The following THSD4 variants were observed in gnomAD, a reference collection of about 807,000 sequenced individuals.
THSD4 encodes thrombospondin type-1 domain-containing protein 4.
THSD4 carries 69 observed loss-of-function variants against 119.0 expected under a neutral mutation model. That is an observed-to-expected ratio of 0.58 (90% CI 0.48 to 0.71). The LOEUF (loss-of-function observed/expected upper bound fraction) is 0.71, where lower values mean the gene tolerates loss of function less well. Among genes scored for constraint, THSD4 ranks in the 30% least tolerant of loss-of-function variants. THSD4 has a pLI of 0.00. For missense variants in THSD4, 1,393 were observed against 1,391.1 expected (o/e 1.00, Z -0.02); for synonymous variants, 524 against 540.4 (o/e 0.97, Z 0.42).
chr15:71,113,377 G>A (rs1356778883), upstream of THSD4, among the ~76,000 whole-genome samples: 6 of 152,128 alleles, frequency 3.9e-5, no homozygotes, highest in South Asian at 4.1e-4. Context: ...TGGTTATGTC[G>A]GATGTTAACA....
intron 6 of THSD4, among the ~76,000 whole-genome samples, chr15:71,381,565 T>G (rs759511895): frequency 6.6e-6 from 1 of 152,212 alleles, no homozygotes; most frequent in African/African-American, 2.4e-5. Context: ...CAGAGTCCTT[T>G]CCATCCTTTC....
intron 4 of THSD4, among the ~76,000 whole-genome samples, chr15:71,230,240 G>A (rs537519705): frequency 6.0e-4 from 92 of 152,210 alleles, no homozygotes; most frequent in African/African-American, 2.1e-3. Flanking sequence ...GTCCTGGAGG[G>A]CCACACAGGT....
At chr15:71,143,700 C>CTTTTTT (rs546375502) in intron 2 of THSD4, among the ~76,000 whole-genome samples, 1 of 100,744 alleles carries the variant, frequency 9.9e-6, no homozygotes, top group Non-Finnish European at 2.1e-5. Context: ...TTTTTTCTTT[C>CTTTTTT]TTTTTTTTTT....
At chr15:71,322,092 A>G (rs1162008755) in intron 6 of THSD4, among the ~76,000 whole-genome samples, 1 of 152,146 alleles carries the variant, frequency 6.6e-6, no homozygotes, top group Non-Finnish European at 1.5e-5. Flanking sequence ...TGCACCTAAT[A>G]ATGGTTTTTT....
intron 6 of THSD4, among the ~76,000 whole-genome samples, chr15:71,409,161 C>CT (rs954005024): frequency 6.6e-6 from 1 of 150,658 alleles, no homozygotes; most frequent in Admixed American, 6.6e-5. Context: ...TTTTTCCCCC[C>CT]CCCTCAGAAT....
chr15:71,490,134 A>T (rs552556816), intron 7 of THSD4, among the ~76,000 whole-genome samples: 1 of 152,310 alleles, frequency 6.6e-6, no homozygotes, highest in East Asian at 1.9e-4. Flanking sequence ...TTCTACTTTT[A>T]AAAATTATAG....
At chr15:71,261,136 G>T (rs2140294167) in intron 6 of THSD4, among the ~76,000 whole-genome samples, 1 of 152,256 alleles carries the variant, frequency 6.6e-6, no homozygotes, top group African/African-American at 2.4e-5. Flanking sequence ...ATCTAATTAA[G>T]ATATAAGTTT....
At chr15:71,508,093 G>C (rs1322117400) in intron 7 of THSD4, among the ~76,000 whole-genome samples, 3 of 152,196 alleles carry the variant, frequency 2.0e-5, no homozygotes, top group Non-Finnish European at 4.4e-5. Flanking sequence ...AAGGGGGCGG[G>C]AGGACCACTT....
In THSD4 at chr15:71,751,650, GTTTTTA is replaced by G. The variant is rs375557304; in HGVS notation, c.2415+3086_2415+3091del. On this transcript the variant is annotated intron_variant, in intron 14 of 17. Transcript: ENST00000261862. Reference sequence around the variant, plus strand: ...ATTTCTAAATGTTTGGGATTTTCTAGTTTTTATTTTTATTTTTATTTTTATTTTTAT... The same window carrying G: ...ATTTCTAAATGTTTGGGATTTTCTAGTTTTTATTTTTATTTTTATTTTTAT... 2.6e-3 allele frequency among the ~76,000 whole-genome samples: 392 copies of G among 151,134 alleles called. 2 individuals are homozygous for G. The highest frequency in any genetic ancestry group is 8.4e-3 in the African/African-American group (345 of 41,036).
intron 7 of THSD4, among the ~76,000 whole-genome samples, chr15:71,434,122 A>G (rs1261448426): frequency 6.6e-6 from 1 of 152,212 alleles, no homozygotes; most frequent in Non-Finnish European, 1.5e-5. Context: ...ACAATTTTAA[A>G]GCTAGCTTTA....
intron 7 of THSD4, among the ~76,000 whole-genome samples, chr15:71,518,886 T>TA (rs531308333): frequency 8.8e-4 from 134 of 152,180 alleles, no homozygotes; most frequent in African/African-American, 3.2e-3. Context: ...CAATGAACAA[T>TA]AAAGGCAACA....
At chr15:71,152,795 C>T (rs1394339860) in intron 2 of THSD4, among the ~76,000 whole-genome samples, 5 of 152,176 alleles carry the variant, frequency 3.3e-5, no homozygotes, top group Non-Finnish European at 7.4e-5. Flanking sequence ...TCTCCTGCTG[C>T]GCCATGCCCT....
chr15:71,566,404 T>C (rs1024476776), intron 7 of THSD4, among the ~76,000 whole-genome samples: 2 of 152,200 alleles, frequency 1.3e-5, no homozygotes, highest in African/African-American at 2.4e-5. Context: ...TTACTGAGCA[T>C]CTACTTTGTG....
intron 8 of THSD4, among the ~76,000 whole-genome samples, chr15:71,725,469 T>C (rs2052815071): frequency 6.6e-6 from 1 of 152,150 alleles, no homozygotes; most frequent in African/African-American, 2.4e-5. Context: ...CTACTCTTAT[T>C]CCTTAAGAAA....
chr15:71,775,604 G>A (rs746896443), intron 17 of THSD4, among the ~76,000 whole-genome samples: 3 of 151,762 alleles, frequency 2.0e-5, no homozygotes, highest in African/African-American at 7.3e-5. Flanking sequence ...CCAGCTACTC[G>A]GGAGGCTGAG....
chr15:71,401,086 C>T (rs2046525626), intron 6 of THSD4, among the ~76,000 whole-genome samples: 1 of 152,170 alleles, frequency 6.6e-6, no homozygotes, highest in Admixed American at 6.5e-5. Context: ...TGTCCCCTCC[C>T]ATCCCTCCCA....
chr15:71,332,782 C>A (rs553361488), intron 6 of THSD4, among the ~76,000 whole-genome samples: 2 of 151,822 alleles, frequency 1.3e-5, no homozygotes, highest in South Asian at 4.2e-4. Flanking sequence ...TCATTAACTG[C>A]AAGCTGAGCC....
intron 7 of THSD4, among the ~76,000 whole-genome samples, chr15:71,588,255 G>A (rs1275119168): frequency 2.7e-5 from 4 of 147,608 alleles, no homozygotes; most frequent in Non-Finnish European, 6.0e-5. Flanking sequence ...GCAGTGAGCC[G>A]AGATCGCGCC....
chr15:71,118,602 TG>T (rs35416542), intron 1 of THSD4, among the ~76,000 whole-genome samples: 45,821 of 152,048 alleles, frequency 0.3, 7,280 homozygotes, highest in Non-Finnish European at 0.35. Context: ...CATGACTATT[TG>T]CCTGGGTTTG....
Sources: gnomAD v4.1 joint callset for allele counts (sites outside exome capture counted in the v4.1 genomes callset) on GRCh38, gnomAD v4.1.1 for gene constraint, MANE v1.5 for transcripts, NCBI Gene and HGNC (gene_info 2026-07-23, HGNC 2026-07-21) for gene names.